Variants in KDM4C observed in about 807,000 individuals in gnomAD.
KDM4C encodes lysine-specific demethylase 4C.
KDM4C carries 81 observed loss-of-function variants against 129.3 expected under a neutral mutation model. The ratio of observed to expected loss-of-function variants is 0.63; its 90% CI spans 0.52 to 0.75. The LOEUF is 0.75. Among genes scored for constraint, KDM4C ranks in the 30% least tolerant of loss-of-function variants. The pLI, the probability that KDM4C is intolerant of heterozygous loss-of-function variation, is 0.00. For synonymous variants in KDM4C, 573 were observed against 456.1 expected (o/e 1.26, Z -3.26); for missense variants, 1,457 against 1,304.0 (o/e 1.12, Z -1.81).
At chr9:6,810,242 T>A (rs1005608781) in intron 3 of KDM4C, among the ~76,000 whole-genome samples, 1 of 152,232 alleles carries the variant, frequency 6.6e-6, no homozygotes, top group Non-Finnish European at 1.5e-5. Context: ...ATTATTACTC[T>A]ACTGACTTGG....
chr9:6,766,887 A>C (rs1820736494), intron 1 of KDM4C, among the ~76,000 whole-genome samples: 1 of 151,958 alleles, frequency 6.6e-6, no homozygotes, highest in Non-Finnish European at 1.5e-5. Flanking sequence ...AGAAGCGATA[A>C]ATTCCTTCAT....
At chr9:6,886,356 A>T (rs1306940496) in intron 6 of KDM4C, among the ~76,000 whole-genome samples, 1 of 148,040 alleles carries the variant, frequency 6.8e-6, no homozygotes, top group African/African-American at 2.5e-5. Context: ...CTCGTTGCCC[A>T]GGCTGGAGTA....
At chr9:6,986,223 G>A (rs1817670181) in intron 10 of KDM4C, 121 bp from the exon 11 acceptor site, 5 of 656,096 alleles carry the variant, frequency 7.6e-6, no homozygotes, top group Middle Eastern at 4.2e-4. Flanking sequence ...GTGCATGTAT[G>A]TGCATGCGCA....
chr9:7,056,822 A>G (rs1407855), intron 17 of KDM4C, among the ~76,000 whole-genome samples: 78,788 of 152,072 alleles, frequency 0.52, 21,793 homozygotes, highest in Non-Finnish European at 0.62. Context: ...CTGTGTGAGT[A>G]GTGATTACTG....
intron 15 of KDM4C, among the ~76,000 whole-genome samples, chr9:7,032,187 T>C (rs1826892995): frequency 1.3e-5 from 2 of 152,202 alleles, no homozygotes; most frequent in Non-Finnish European, 1.5e-5. Flanking sequence ...GTCCAATAAA[T>C]TGAGCGTAAT....
intron 6 of KDM4C, among the ~76,000 whole-genome samples, chr9:6,880,494 C>T (rs1328415926): frequency 6.6e-6 from 1 of 151,922 alleles, no homozygotes; most frequent in Non-Finnish European, 1.5e-5. Flanking sequence ...GCTGTTTCCC[C>T]CAAGGGTTAT....
chr9:7,114,871 C>G (rs1157956677), intron 18 of KDM4C, among the ~76,000 whole-genome samples: 10 of 151,924 alleles, frequency 6.6e-5, no homozygotes. Flanking sequence ...TTTGGGAGGC[C>G]GAGGCGATAT....
intron 5 of KDM4C, among the ~76,000 whole-genome samples, chr9:6,861,158 C>G (rs1011223111): frequency 6.6e-6 from 1 of 152,038 alleles, no homozygotes; most frequent in South Asian, 2.1e-4. Flanking sequence ...GGTCTTTTTT[C>G]TTGTGATTTA....
chr9:6,994,134 G>C (rs1819264930), intron 12 of KDM4C, among the ~76,000 whole-genome samples: 1 of 152,040 alleles, frequency 6.6e-6, no homozygotes, highest in Non-Finnish European at 1.5e-5. Flanking sequence ...TACATGCATG[G>C]TTCACAATAG....
intron 19 of KDM4C, among the ~76,000 whole-genome samples, chr9:7,159,439 C>G (rs1021315631): frequency 6.6e-6 from 1 of 152,126 alleles, no homozygotes; most frequent in African/African-American, 2.4e-5. Flanking sequence ...GTGGTCTTTA[C>G]AATTTCTCAT....
chr9:7,078,548 T>G (rs1834179886), intron 17 of KDM4C, among the ~76,000 whole-genome samples: 1 of 152,182 alleles, frequency 6.6e-6, no homozygotes, highest in African/African-American at 2.4e-5. Flanking sequence ...TCTGATATCT[T>G]TAGTAGTAAT....
At chr9:6,894,283 A>G (rs993395735) in intron 8 of KDM4C, among the ~76,000 whole-genome samples, 6 of 152,258 alleles carry the variant, frequency 3.9e-5, no homozygotes, top group South Asian at 2.1e-4. Flanking sequence ...GACATAAAGG[A>G]AAGCCCCTGG....
intron 18 of KDM4C, among the ~76,000 whole-genome samples, chr9:7,115,695 G>T (rs1226056240): frequency 6.6e-6 from 1 of 152,142 alleles, no homozygotes. Flanking sequence ...TAACTAAAAG[G>T]CTACTCTCCA....
chr9:6,952,175 A>T (rs1319255427), intron 8 of KDM4C, among the ~76,000 whole-genome samples: 1 of 152,114 alleles, frequency 6.6e-6, no homozygotes, highest in Non-Finnish European at 1.5e-5. Context: ...TTTATTTCTG[A>T]AAAGTTGATC....
intron 5 of KDM4C, among the ~76,000 whole-genome samples, chr9:6,852,536 C>T (rs1033418251): frequency 6.6e-6 from 1 of 152,172 alleles, no homozygotes; most frequent in Non-Finnish European, 1.5e-5. Flanking sequence ...GTTCTGTATG[C>T]ACATGTGGGT....
chr9:6,915,385 C>G (rs1205267103), intron 8 of KDM4C, among the ~76,000 whole-genome samples: 1 of 152,130 alleles, frequency 6.6e-6, no homozygotes, highest in East Asian at 1.9e-4. Flanking sequence ...CTGAAGCAAT[C>G]ATTTTTGCTG....
At chr9:7,150,591 C>T (rs1437781764) in intron 19 of KDM4C, among the ~76,000 whole-genome samples, 4 of 152,162 alleles carry the variant, frequency 2.6e-5, no homozygotes, top group African/African-American at 9.7e-5. Context: ...AGGACACACT[C>T]AGAGGGAAGG....
chr9:6,865,008 C>CTTTTTTTTTTT (rs777981928), intron 5 of KDM4C, among the ~76,000 whole-genome samples: 1 of 126,586 alleles, frequency 7.9e-6, no homozygotes. Flanking sequence ...AAATTTCTTT[C>CTTTTTTTTTTT]TTTTTTTTTT....
chr9:7,034,089 T>A (rs142618297), intron 15 of KDM4C, among the ~76,000 whole-genome samples: 1 of 152,166 alleles, frequency 6.6e-6, no homozygotes, highest in African/African-American at 2.4e-5. Context: ...AATTGTTTTT[T>A]AAATTGACAT....
Sources: gnomAD v4.1 joint callset for allele counts (sites outside exome capture counted in the v4.1 genomes callset) on GRCh38, gnomAD v4.1.1 for gene constraint, MANE v1.5 for transcripts, NCBI Gene and HGNC (gene_info 2026-07-23, HGNC 2026-07-21) for gene names.